PSMD11: variants seen among roughly 807,000 people sequenced by gnomAD.
The protein encoded by PSMD11 is 26S proteasome non-ATPase regulatory subunit 11.
Under a neutral mutation model 62.3 loss-of-function variants are expected in PSMD11, and 5 were observed. The observed-to-expected ratio is 0.08, with a 90% CI of 0.04 to 0.17. The LOEUF is 0.17. Ranked by LOEUF, PSMD11 falls within the 10% of genes least tolerant of loss-of-function variation. The probability of loss-of-function intolerance (pLI) is 1.00; values close to 1 mark genes in which losing one functional copy is unlikely to be tolerated. For missense variants in PSMD11, 310 were observed against 512.9 expected (o/e 0.60, Z 3.82); for synonymous variants, 191 against 191.8 (o/e 1.00, Z 0.03).
rs371654147 is a variant in PSMD11, at chr17:32,480,208, G to A, written c.1126+11G>A. On this transcript the variant is annotated intron_variant, in intron 12 of 13. Coordinates refer to ENST00000261712, the MANE Select transcript of PSMD11 (RefSeq NM_002815.4). The stretch of plus-strand genomic sequence containing the variant: ...ACAAGAAATTTCATGGTAAGTAACA[G>A]TCACACAGGCAAGGGGGCTGGTGGT... The A allele has an allele frequency of 1.6e-4, 261 of 1,610,090 alleles. No individual in the cohort carries two copies. The African/African-American group carries it at 3.1e-3, about 19-fold the overall frequency.
chr17:32,463,199 G>A (rs970984329), intron 3 of PSMD11, among the ~76,000 whole-genome samples: 10 of 152,208 alleles, frequency 6.6e-5, no homozygotes, highest in East Asian at 3.8e-4. Context: ...ACCTGATGGC[G>A]TGCTAGACTG....
At chr17:32,480,220 A>G (rs773868070) in intron 12 of PSMD11, 23 bp downstream of exon 12, 13 of 1,603,848 alleles carry the variant, frequency 8.1e-6, no homozygotes, top group South Asian at 6.6e-5. Context: ...CACACAGGCA[A>G]GGGGGCTGGT....
intron 3 of PSMD11, among the ~76,000 whole-genome samples, chr17:32,456,893 C>T (rs1907668516): frequency 6.6e-6 from 1 of 151,986 alleles, no homozygotes; most frequent in Admixed American, 6.6e-5. Context: ...TTTTGAACTC[C>T]TGACCTCAGA....
At chr17:32,449,131 G>A (rs987136887) in intron 2 of PSMD11, among the ~76,000 whole-genome samples, 3 of 152,140 alleles carry the variant, frequency 2.0e-5, no homozygotes, top group South Asian at 2.1e-4. Flanking sequence ...TTAGCCAGGC[G>A]TGATGGCTCA....
intron 3 of PSMD11, among the ~76,000 whole-genome samples, chr17:32,456,502 A>T (rs918405742): frequency 7.9e-5 from 12 of 152,026 alleles, no homozygotes; most frequent in African/African-American, 2.4e-4. Context: ...CCTTCTGAGT[A>T]GCTGGGACTA....
At chr17:32,455,433 A>T (rs1907620552) in intron 3 of PSMD11, among the ~76,000 whole-genome samples, 1 of 152,216 alleles carries the variant, frequency 6.6e-6, no homozygotes, top group South Asian at 2.1e-4. Context: ...CGCAGGCAAT[A>T]AACAAATGTA....
rs992414939 is a variant in PSMD11, at chr17:32,480,825, G to C, written c.*73G>C. 3.6e-6 allele frequency: 2 copies of C among 561,446 alleles called. No individual in the cohort carries two copies. The highest frequency in any genetic ancestry group is 3.8e-5 in the African/African-American group (2 of 52,820). 34.8% of individuals were successfully genotyped at this position (561,446 alleles called of 1,614,324 possible). A position where few individuals can be genotyped will look rare whatever the true frequency, so the allele number is the denominator to read the frequency against. ...GAAACCTTGGGGGAAAATGCTAGGA[G>C]ATTCTTTTTTCTTTTTGTTCTACTT... is the stretch of plus-strand genomic sequence containing the variant. On this transcript the variant is annotated 3_prime_UTR_variant, in exon 14 of 14. Transcript: ENST00000261712.
chr17:32,479,929 G>A (rs763165117), intron 11 of PSMD11, 43 bp downstream of exon 11: 4 of 1,598,234 alleles, frequency 2.5e-6, no homozygotes, highest in East Asian at 4.5e-5. Flanking sequence ...ATGGGACGGG[G>A]TGGCGAGGAG....
chr17:32,446,804 G>GTT (rs376587076), intron 1 of PSMD11, 141 bp from the exon 2 acceptor site: 545 of 343,504 alleles, frequency 1.6e-3, no homozygotes, highest in South Asian at 4.4e-3. Flanking sequence ...CTGGCTTAGA[G>GTT]TTTTTTTTTT....
At chr17:32,453,653 G>GAGGC (rs773108593) in intron 2 of PSMD11, among the ~76,000 whole-genome samples, 98 of 152,286 alleles carry the variant, frequency 6.4e-4, no homozygotes, top group Non-Finnish European at 1.3e-3. Context: ...GAATATTAAA[G>GAGGC]AGGCAGTGGC....
intron 3 of PSMD11, among the ~76,000 whole-genome samples, chr17:32,458,227 T>A (rs1411224271): frequency 6.6e-6 from 1 of 152,122 alleles, no homozygotes. Flanking sequence ...TTTATTCCTC[T>A]CCCTCTTCTC....
chr17:32,479,215 C>T (rs759825844), intron 9 of PSMD11, 36 bp from the exon 10 acceptor site: 7 of 1,609,146 alleles, frequency 4.4e-6, no homozygotes, highest in South Asian at 1.1e-5. Flanking sequence ...TAAAGTGATT[C>T]TCTGTGCCAA....
intron 6 of PSMD11, among the ~76,000 whole-genome samples, chr17:32,473,452 G>C (rs1328579158): frequency 1.3e-5 from 2 of 151,634 alleles, no homozygotes; most frequent in East Asian, 3.9e-4. Flanking sequence ...AATTTTTTTT[G>C]TAATTTTAGT....
At chr17:32,446,826 T>A in intron 1 of PSMD11, 119 bp from the exon 2 acceptor site, 2 of 480,564 alleles carry the variant, frequency 4.2e-6, no homozygotes, top group Non-Finnish European at 3.6e-6. Context: ...TTTTTAACTC[T>A]AGAATTTGTC....
intron 3 of PSMD11, among the ~76,000 whole-genome samples, chr17:32,459,304 A>C (rs993447763): frequency 6.6e-6 from 1 of 151,832 alleles, no homozygotes; most frequent in Non-Finnish European, 1.5e-5. Context: ...CTGCAGCCTC[A>C]ACTTCCTGGG....
intron 6 of PSMD11, among the ~76,000 whole-genome samples, chr17:32,473,069 A>C: frequency 6.7e-6 from 1 of 149,372 alleles, no homozygotes. Context: ...GAGGCAGGAG[A>C]ATTGCTTGAA....
chr17:32,451,020 CAG>C (rs1049326934), intron 2 of PSMD11, among the ~76,000 whole-genome samples: 2 of 149,592 alleles, frequency 1.3e-5, no homozygotes, highest in African/African-American at 4.9e-5. Flanking sequence ...ACTTGGGAAA[CAG>C]AGGCAGGAGG....
intron 8 of PSMD11, chr17:32,477,186 A>G (rs759662383): frequency 8.5e-6 from 2 of 236,208 alleles, no homozygotes; most frequent in Admixed American, 5.3e-5. Context: ...GGCGATAACA[A>G]GCCTTGGAGG....
intron 3 of PSMD11, among the ~76,000 whole-genome samples, chr17:32,460,690 G>C (rs1191607421): frequency 1.3e-5 from 2 of 151,052 alleles, no homozygotes; most frequent in Non-Finnish European, 3.0e-5. Flanking sequence ...GGAGAATGGC[G>C]TGAACCCGGG....
Sources: allele counts gnomAD v4.1 joint callset (sites outside exome capture counted in the v4.1 genomes callset), GRCh38; gene constraint gnomAD v4.1.1; transcripts MANE v1.5; gene names NCBI Gene and HGNC (gene_info 2026-07-23, HGNC 2026-07-21).